Variants in ZNF697 observed in about 807,000 individuals in gnomAD.
ZNF697 encodes zinc finger protein 697.
Under a neutral mutation model 32.4 loss-of-function variants are expected in ZNF697, and 23 were observed. That is an observed-to-expected ratio of 0.71 (90% CI 0.51 to 1.01). ZNF697 has a LOEUF of 1.01. Ranked by LOEUF, ZNF697 falls within the 50% of genes least tolerant of loss-of-function variation. The pLI, the probability that ZNF697 is intolerant of heterozygous loss-of-function variation, is 0.00. For missense variants in ZNF697, 930 were observed against 794.0 expected (o/e 1.17, Z -2.06); for synonymous variants, 418 against 337.2 (o/e 1.24, Z -2.62).
At chr1:119,644,324 A>T (rs1028247722) in intron 1 of ZNF697, among the ~76,000 whole-genome samples, 1 of 152,234 alleles carries the variant, frequency 6.6e-6, no homozygotes, top group Non-Finnish European at 1.5e-5. Context: ...TGGCCTTTCC[A>T]ACTGATGGTC....
rs1648301453 is a variant in ZNF697, at chr1:119,621,286, C to G, written c.*1419G>C. The G allele has an allele frequency of 6.6e-6, 1 of 152,468 alleles. No individual in the cohort carries two copies. The highest frequency in any genetic ancestry group is 2.4e-5 in the African/African-American group (1 of 41,462). 9.4% of individuals were successfully genotyped at this position (152,468 alleles called of 1,614,324 possible). A position where few individuals can be genotyped will look rare whatever the true frequency, so the allele number is the denominator to read the frequency against. ...AAAGGTCAGGCTACAATTATTCACA[C>G]TGTCCTCAGCCTCTCTTCAGGACAG... On this transcript the variant is annotated 3_prime_UTR_variant, in exon 3 of 3. Coordinates refer to ENST00000421812, the MANE Select transcript of ZNF697 (RefSeq NM_001080470.2).
rs1648575940 is a variant in ZNF697 at position 119,626,075 on chromosome 1, A to G, written c.26T>C (p.Val9Ala). Reference protein sequence around the residue: MKQEDNQGVCAHQDSEDKG... With the variant: MKQEDNQGACAHQDSEDKG... ...GTCTTCTGAGTCCTGGTGTGCACAG[A>G]CACCCTGATTATCTTCTTGTTTCAT... The change falls in exon 2 of 3, where the codon GTC becomes GCC. Residue 9 changes from valine (V) to alanine (A), a missense_variant. Physicochemically the swap from Val to Ala is moderately conservative, Grantham distance 64. Coordinates refer to ENST00000421812, the MANE Select transcript of ZNF697 (RefSeq NM_001080470.2). 1.9e-6 allele frequency: 3 copies of G among 1,613,770 alleles called. No homozygotes were observed. The highest frequency in any genetic ancestry group is 2.5e-6 in the Non-Finnish European group (3 of 1,179,838).
Position 119,626,028 on chromosome 1 carries a change from C to A in ZNF697, c.73G>T (p.Glu25Ter). ...SEDKGMGSDF[E>*]DSEDREGDPE... ...TCCCCTTCCCTGTCCTCAGAGTCCTCAAAATCAGAACCCATCCCTTTGTCT... is the reference window on the plus strand; with the variant it reads ...TCCCCTTCCCTGTCCTCAGAGTCCTAAAAATCAGAACCCATCCCTTTGTCT... The change falls in exon 2 of 3, where the codon GAG becomes TAG. Residue 25 changes from glutamate to a stop codon, truncating the protein, a stop_gained. Coordinates refer to ENST00000421812, the MANE Select transcript of ZNF697 (RefSeq NM_001080470.2). LOFTEE classifies it high-confidence loss of function. The A allele has an allele frequency of 6.2e-7, 1 of 1,613,732 alleles. No individual in the cohort carries two copies. Among genetic ancestry groups the A allele is most frequent in the South Asian group, 1.1e-5 (1 of 91,080 alleles).
chr1:119,625,575 T>C (rs1253174214), intron 2 of ZNF697, among the ~76,000 whole-genome samples: 1 of 152,248 alleles, frequency 6.6e-6, no homozygotes, highest in Non-Finnish European at 1.5e-5. Context: ...TAGATTCTAT[T>C]ACTAGCTGGG....
rs2281493 is a variant in ZNF697 at position 119,620,164 on chromosome 1, T to C, written c.*2541A>G. Reference sequence around the variant, plus strand: ...TTTTCTTCTGCTAAGAATGTGCTCATAGAAGGGATATCAACGTAGCAGCTG... The same window carrying C: ...TTTTCTTCTGCTAAGAATGTGCTCACAGAAGGGATATCAACGTAGCAGCTG... On this transcript the variant is annotated 3_prime_UTR_variant, in exon 3 of 3. Transcript: ENST00000421812. 102,821 of 152,468 alleles carry C rather than the reference T, an allele frequency of 0.67. 35,452 individuals carry two copies. Among genetic ancestry groups the C allele is most frequent in the African/African-American group, 0.82 (34,183 of 41,490 alleles). The allele number at this position is 152,468 out of a possible 1,614,324, so 9.4% of individuals were successfully genotyped here.
At chr1:119,640,872 A>T (rs376562100) in intron 1 of ZNF697, among the ~76,000 whole-genome samples, 14 of 152,194 alleles carry the variant, frequency 9.2e-5, no homozygotes, top group African/African-American at 3.4e-4. Flanking sequence ...TTCAGACTAA[A>T]GTTTTATTCT....
intron 1 of ZNF697, among the ~76,000 whole-genome samples, chr1:119,630,232 T>C (rs894565641): frequency 6.6e-6 from 1 of 152,250 alleles, no homozygotes; most frequent in African/African-American, 2.4e-5. Context: ...AAGGTTGGGT[T>C]TGAATGTTCC....
intron 1 of ZNF697, among the ~76,000 whole-genome samples, chr1:119,631,534 G>A (rs1395249905): frequency 6.6e-6 from 1 of 152,240 alleles, no homozygotes; most frequent in Non-Finnish European, 1.5e-5. Context: ...GCCGCACCTG[G>A]CAGCCCCGAC....
At chr1:119,644,042 A>C (rs752660405) in intron 1 of ZNF697, among the ~76,000 whole-genome samples, 1 of 152,340 alleles carries the variant, frequency 6.6e-6, no homozygotes, top group Admixed American at 6.5e-5. Flanking sequence ...AGTCTACCAT[A>C]TGCCAGGTTG....
At chr1:119,637,083 C>T (rs953579928) in intron 1 of ZNF697, among the ~76,000 whole-genome samples, 2 of 152,206 alleles carry the variant, frequency 1.3e-5, no homozygotes, top group African/African-American at 4.8e-5. Flanking sequence ...AATCCTTCTC[C>T]TCTCAAAGGA....
At chr1:119,624,274 G>T (rs975165529) in intron 2 of ZNF697, among the ~76,000 whole-genome samples, 158 bp from the exon 3 acceptor site, 1 of 152,148 alleles carries the variant, frequency 6.6e-6, no homozygotes, top group Non-Finnish European at 1.5e-5. Context: ...CTCTCAACTG[G>T]ATCCTCCAGG....
Position 119,622,578 on chromosome 1 carries a change from C to A in ZNF697, c.*127G>T. 7.0e-7 allele frequency: 1 copy of A among 1,421,264 alleles called. No homozygotes were observed. Among genetic ancestry groups the A allele is most frequent in the Non-Finnish European group, 9.2e-7 (1 of 1,089,390 alleles). 88.0% of individuals were successfully genotyped at this position (1,421,264 alleles called of 1,614,324 possible). ...CTCCCACTTCAGGAAACCCCAAACACCAAAGGCTCCCCAGTCACTCTCAGA... is the reference window on the plus strand; with the variant it reads ...CTCCCACTTCAGGAAACCCCAAACAACAAAGGCTCCCCAGTCACTCTCAGA... On this transcript the variant is annotated 3_prime_UTR_variant, in exon 3 of 3. Coordinates refer to ENST00000421812, the MANE Select transcript of ZNF697 (RefSeq NM_001080470.2).
chr1:119,628,859 A>T (rs749545673), intron 1 of ZNF697, among the ~76,000 whole-genome samples: 3 of 152,222 alleles, frequency 2.0e-5, no homozygotes, highest in Non-Finnish European at 4.4e-5. Flanking sequence ...ACTTTGGCTT[A>T]TATGCATACT....
Position 119,622,921 on chromosome 1 carries a change from G to A in ZNF697, c.1422C>T (p.Phe474=). 3.7e-6 allele frequency: 6 copies of A among 1,608,424 alleles called. No homozygotes were observed. The highest frequency in any genetic ancestry group is 5.1e-6 in the Non-Finnish European group (6 of 1,177,356). The change falls in exon 3 of 3, where the codon TTC becomes TTT. Residue 474 remains phenylalanine, a synonymous_variant. Coordinates refer to ENST00000421812, the MANE Select transcript of ZNF697 (RefSeq NM_001080470.2). The part of the protein sequence containing the change: ...PFRCGQCEKR[F]SDFSTLTQHQ... ...GCTGCGTGAGCGTGGAGAAGTCGCT[G>A]AAGCGCTTCTCGCACTGGCCACAGC...
intron 1 of ZNF697, among the ~76,000 whole-genome samples, chr1:119,642,926 G>T (rs373260020): frequency 7.9e-5 from 12 of 152,110 alleles, no homozygotes; most frequent in African/African-American, 2.4e-4. Context: ...ATTCACAAAG[G>T]CTTCCAGGTA....
At position 119,648,218 on chromosome 1, in the gene ZNF697, C is replaced by CTGGA. The variant is rs2101101871; in HGVS notation, c.-566_-565insTCCA. Among the ~76,000 whole-genome samples the CTGGA allele has an allele frequency of 6.6e-6, 1 of 151,646 alleles. No individual in the cohort carries two copies. The highest frequency in any genetic ancestry group is 6.5e-5 in the Admixed American group (1 of 15,268). The stretch of plus-strand genomic sequence containing the variant: ...GCTGGCTGGTTGGCTGGCTGGCTGG[C>CTGGA]TGGCTGGCTGGCTGGCTCGCTGGCT... On this transcript the variant is annotated 5_prime_UTR_variant, in exon 1 of 3. Coordinates refer to ENST00000421812, the MANE Select transcript of ZNF697 (RefSeq NM_001080470.2).
rs1415104409 is a variant in ZNF697, at chr1:119,647,905, T to G, written c.-252A>C. 1 of 152,324 alleles carries G rather than the reference T, an allele frequency of 6.6e-6. No homozygotes were observed. Among genetic ancestry groups the G allele is most frequent in the Non-Finnish European group, 1.5e-5 (1 of 68,144 alleles). 9.4% of individuals were successfully genotyped at this position (152,324 alleles called of 1,614,324 possible). On this transcript the variant is annotated 5_prime_UTR_variant, in exon 1 of 3. Coordinates refer to ENST00000421812, the MANE Select transcript of ZNF697 (RefSeq NM_001080470.2). ...AGAGCACCCCATAAGCCCGGGGCCCTGCGCCCCAGGGGAGCGGACAACGGT... is the reference window on the plus strand; with the variant it reads ...AGAGCACCCCATAAGCCCGGGGCCCGGCGCCCCAGGGGAGCGGACAACGGT...
chr1:119,627,033 A>G (rs902923698), intron 1 of ZNF697, among the ~76,000 whole-genome samples: 1 of 152,250 alleles, frequency 6.6e-6, no homozygotes, highest in Non-Finnish European at 1.5e-5. Context: ...TCAGGATAAC[A>G]TTTCAAATTT....
In ZNF697 at chr1:119,623,466, C is replaced by G. The variant is rs1648433955; in HGVS notation, c.877G>C (p.Asp293His). ...HTGERPNLCADCGKSFSWRAD... is the reference protein window; with the variant it reads ...HTGERPNLCAHCGKSFSWRAD... Reference sequence around the variant, plus strand: ...CGCCAGCTGAAGCTCTTGCCGCAGTCGGCGCACAGGTTGGGCCGCTCGCCC... The same window carrying G: ...CGCCAGCTGAAGCTCTTGCCGCAGTGGGCGCACAGGTTGGGCCGCTCGCCC... Residue 293 changes from aspartate (D) to histidine (H), a missense_variant, in exon 3 of 3, where the codon GAC (aspartate) becomes CAC (histidine). Physicochemically the swap from Asp to His is moderately conservative, Grantham distance 81. Coordinates refer to ENST00000421812, the MANE Select transcript of ZNF697 (RefSeq NM_001080470.2). 6.4e-7 allele frequency: 1 copy of G among 1,563,104 alleles called. No individual in the cohort carries two copies.
Sources: allele counts gnomAD v4.1 joint callset (sites outside exome capture counted in the v4.1 genomes callset), GRCh38; gene constraint gnomAD v4.1.1; transcripts MANE v1.5; gene names NCBI Gene and HGNC (gene_info 2026-07-23, HGNC 2026-07-21).